The following EPB41 variants were observed in gnomAD, a reference collection of about 807,000 sequenced individuals.
EPB41 encodes the protein erythrocyte membrane protein band 4.1.
Under a neutral mutation model 108.0 loss-of-function variants are expected in EPB41, and 65 were observed. That is an observed-to-expected ratio of 0.60 (90% CI 0.49 to 0.74). The LOEUF is 0.74. Ranked by LOEUF, EPB41 falls within the 30% of genes least tolerant of loss-of-function variation. The pLI is 0.00. For missense variants in EPB41, 875 were observed against 1,037.0 expected (o/e 0.84, Z 2.15); for synonymous variants, 336 against 358.9 (o/e 0.94, Z 0.72).
chr1:29,112,674 A>G (rs545886700), intron 19 of EPB41, among the ~76,000 whole-genome samples: 1 of 152,300 alleles, frequency 6.6e-6, no homozygotes, highest in Admixed American at 6.5e-5. Flanking sequence ...TTGGATTCCA[A>G]GACTTGATTC....
chr1:28,935,031 G>C (rs1383370327), intron 1 of EPB41, among the ~76,000 whole-genome samples: 1 of 151,800 alleles, frequency 6.6e-6, no homozygotes, highest in East Asian at 1.9e-4. Context: ...AGGATCGCTG[G>C]AGCTTGAGAG....
At position 28,932,419 on chromosome 1, in the gene EPB41, G is replaced by A. The variant is rs1446287185; in HGVS notation, c.-8+17651G>A. 1.1e-4 allele frequency among the ~76,000 whole-genome samples: 16 copies of A among 150,940 alleles called. No individual in the cohort carries two copies. The East Asian group carries it at 3.1e-3, about 29-fold the overall frequency. ...ATTACAGGCATGAGCATCATGCCTGGCCTCTATATTTTTATCTTTTCTTCC... is the reference window on the plus strand; with the variant it reads ...ATTACAGGCATGAGCATCATGCCTGACCTCTATATTTTTATCTTTTCTTCC... On this transcript the variant is annotated intron_variant, in intron 1 of 20. Coordinates refer to ENST00000343067, the MANE Select transcript of EPB41 (RefSeq NM_001376013.1).
At chr1:29,080,840 G>T (rs1272823310) in intron 16 of EPB41, among the ~76,000 whole-genome samples, 3 of 152,082 alleles carry the variant, frequency 2.0e-5, no homozygotes, top group South Asian at 4.1e-4. Flanking sequence ...TAGTCCCTTT[G>T]GGACATTTTC....
At chr1:28,902,260 A>G in intron 1 of EPB41, 3 of 985,316 alleles carry the variant, frequency 3.0e-6, no homozygotes, top group Non-Finnish European at 3.6e-6. Context: ...ATTGCTTCTG[A>G]TATTTTCTGC....
chr1:28,995,330 G>A (rs760695561), intron 3 of EPB41, among the ~76,000 whole-genome samples: 30 of 152,236 alleles, frequency 2.0e-4, no homozygotes, highest in African/African-American at 5.1e-4. Flanking sequence ...TTGGGAGGCC[G>A]AGGCAGGTGG....
chr1:29,113,625 CTT>C (rs1481515953), intron 19 of EPB41, among the ~76,000 whole-genome samples: 1 of 152,330 alleles, frequency 6.6e-6, no homozygotes, highest in East Asian at 1.9e-4. Context: ...GTGAGACAGA[CTT>C]GGGCTGAATC....
chr1:29,056,902 G>T (rs1645565956), intron 12 of EPB41, among the ~76,000 whole-genome samples: 1 of 152,142 alleles, frequency 6.6e-6, no homozygotes, highest in South Asian at 2.1e-4. Flanking sequence ...GCAAAAAGAA[G>T]TCATTATTCA....
chr1:29,052,269 T>C (rs1036372065), intron 11 of EPB41, among the ~76,000 whole-genome samples: 7 of 152,206 alleles, frequency 4.6e-5, no homozygotes, highest in African/African-American at 1.7e-4. Flanking sequence ...TGGATGCCAG[T>C]ACCTCCCGTC....
chr1:28,958,638 C>T (rs1428535360), intron 1 of EPB41, among the ~76,000 whole-genome samples: 1 of 151,482 alleles, frequency 6.6e-6, no homozygotes, highest in Non-Finnish European at 1.5e-5. Context: ...CATGGTGAAA[C>T]CCTGTCTCTA....
chr1:29,050,812 A>G lies in EPB41; in HGVS notation c.1637-2292A>G, dbSNP rs572097807. On this transcript the variant is annotated intron_variant, in intron 11 of 20. Transcript: ENST00000343067. The stretch of plus-strand genomic sequence containing the variant: ...TGCCTCAGCCTCCCAAGTAACTGGG[A>G]CTACAGACGCCCGCCACCACGCCCA... Among the ~76,000 whole-genome samples, 70 of 151,898 alleles carry G rather than the reference A, an allele frequency of 4.6e-4. 1 individual carries two copies. The highest frequency in any genetic ancestry group is 7.2e-4 in the Non-Finnish European group (49 of 67,928).
chr1:29,039,356 T>A lies in EPB41; in HGVS notation c.1566T>A (p.Ala522=). The part of the protein sequence containing the change: ...RTQAQTRQAS[A]LIDRPAPHFE... The stretch of plus-strand genomic sequence containing the variant: ...AAGCTCAGACCAGGCAAGCTAGTGC[T>A]CTAATTGACAGGCCTGCCCCACACT... Residue 522 remains alanine, a synonymous_variant, in exon 11 of 21, where the codon GCT becomes GCA. Transcript: ENST00000343067. 1.9e-6 allele frequency: 3 copies of A among 1,614,146 alleles called. No homozygotes were observed. The highest frequency in any genetic ancestry group is 2.5e-6 in the Non-Finnish European group (3 of 1,180,038).
intron 11 of EPB41, among the ~76,000 whole-genome samples, chr1:29,046,189 ATC>A (rs1210740809): frequency 1.3e-5 from 2 of 151,588 alleles, no homozygotes; most frequent in African/African-American, 4.8e-5. Context: ...CAGTGGCACT[ATC>A]TCGGCTCACT....
chr1:28,968,087 G>A (rs989230472), intron 1 of EPB41, among the ~76,000 whole-genome samples: 4 of 152,014 alleles, frequency 2.6e-5, no homozygotes, highest in African/African-American at 7.3e-5. Context: ...GGCCAGGCAC[G>A]GTGGCTCACG....
chr1:28,911,175 G>C (rs907099370), upstream of EPB41: 7 of 985,360 alleles, frequency 7.1e-6, no homozygotes, highest in Middle Eastern at 1.0e-3. Flanking sequence ...TGATAGGCCT[G>C]GCAACACTCA....
chr1:28,970,953 T>C (rs2095478216), intron 1 of EPB41, among the ~76,000 whole-genome samples: 2 of 151,966 alleles, frequency 1.3e-5, no homozygotes, highest in Admixed American at 1.3e-4. Context: ...GTTCAGACGA[T>C]TCTCCTGTCT....
chr1:29,096,077 A>G, intron 16 of EPB41: 1 of 894,134 alleles, frequency 1.1e-6, no homozygotes, highest in Non-Finnish European at 1.3e-6. Context: ...GCTTCCAAAA[A>G]TCATTGTTGA....
rs1255414282 is a variant in EPB41, at chr1:29,109,342, G to C, written c.2320G>C (p.Asp774His). 6.2e-7 allele frequency: 1 copy of C among 1,613,842 alleles called. No individual in the cohort carries two copies. The highest frequency in any genetic ancestry group is 8.5e-7 in the Non-Finnish European group (1 of 1,179,888). Reference sequence around the variant, plus strand: ...GCCATGCTTTCTTCTGCAGACTGACGACAACAGTGGAGACTTGGACCCAGG... The same window carrying C: ...GCCATGCTTTCTTCTGCAGACTGACCACAACAGTGGAGACTTGGACCCAGG... ...TITYEAAQTD[D>H]NSGDLDPGVL... is the part of the protein sequence containing the mutation. The change falls in exon 18 of 21, where the codon GAC becomes CAC. Residue 774 changes from aspartate (D) to histidine (H), a missense_variant. Coordinates refer to ENST00000343067, the MANE Select transcript of EPB41 (RefSeq NM_001376013.1).
intron 6 of EPB41, 35 bp downstream of exon 6, chr1:29,015,802 TATA>T (rs1572497283): frequency 7.5e-7 from 1 of 1,330,416 alleles, no homozygotes. Context: ...TAATTTATCA[TATA>T]ATAATGTGTA....
chr1:28,935,583 T>G (rs1021110417), intron 1 of EPB41, among the ~76,000 whole-genome samples: 2 of 151,730 alleles, frequency 1.3e-5, no homozygotes, highest in Admixed American at 1.3e-4. Flanking sequence ...CATACTCATC[T>G]TCTTCAAATA....
Sources: gnomAD v4.1 joint callset for allele counts (sites outside exome capture counted in the v4.1 genomes callset) on GRCh38, gnomAD v4.1.1 for gene constraint, MANE v1.5 for transcripts, NCBI Gene and HGNC (gene_info 2026-07-23, HGNC 2026-07-21) for gene names.